The following GRIK4 variants were observed in gnomAD, a reference collection of about 807,000 sequenced individuals.
The protein encoded by GRIK4 is glutamate ionotropic receptor kainate type subunit 4.
A neutral mutation model predicts 104.9 loss-of-function variants in GRIK4; 40 were observed. The observed-to-expected ratio is 0.38, with a 90% CI of 0.30 to 0.50. GRIK4 has a LOEUF of 0.50. GRIK4 is among the 20% of genes least tolerant of loss of function. The pLI, the probability that GRIK4 is intolerant of heterozygous loss-of-function variation, is 0.93. For synonymous variants in GRIK4, 485 were observed against 524.9 expected (o/e 0.92, Z 1.04); for missense variants, 1,047 against 1,308.1 (o/e 0.80, Z 3.08).
intron 4 of GRIK4, among the ~76,000 whole-genome samples, chr11:120,813,641 T>C (rs1252789084): frequency 6.6e-6 from 1 of 152,166 alleles, no homozygotes; most frequent in African/African-American, 2.4e-5. Flanking sequence ...TGAACCCTGG[T>C]GTTCTGCCTT....
At chr11:120,811,615 C>T (rs984320493) in intron 4 of GRIK4, among the ~76,000 whole-genome samples, 35 of 152,162 alleles carry the variant, frequency 2.3e-4, no homozygotes, top group African/African-American at 8.0e-4. Flanking sequence ...AACATCTTCT[C>T]ATAATCATTC....
chr11:120,596,247 C>T (rs955370462), intron 1 of GRIK4, among the ~76,000 whole-genome samples: 10 of 152,152 alleles, frequency 6.6e-5, no homozygotes, highest in Admixed American at 6.5e-4. Context: ...TTTTTGAATG[C>T]CCACTGTGTG....
At chr11:120,828,207 A>G (rs955040822) in intron 6 of GRIK4, among the ~76,000 whole-genome samples, 2 of 152,232 alleles carry the variant, frequency 1.3e-5, no homozygotes, top group African/African-American at 4.8e-5. Context: ...GAAGTCTGAA[A>G]TGGGCTCCCT....
At chr11:120,647,639 CT>C (rs1465036025) in intron 1 of GRIK4, among the ~76,000 whole-genome samples, 1 of 152,250 alleles carries the variant, frequency 6.6e-6, no homozygotes, top group Non-Finnish European at 1.5e-5. Context: ...CGGCACATGC[CT>C]CGGGGCTCAG....
chr11:120,857,924 A>G (rs1420941202), intron 8 of GRIK4, among the ~76,000 whole-genome samples: 1 of 152,204 alleles, frequency 6.6e-6, no homozygotes, highest in South Asian at 2.1e-4. Context: ...AAAGCCACCC[A>G]CACTTGGAGT....
At chr11:120,587,729 C>T (rs747959354) in intron 1 of GRIK4, among the ~76,000 whole-genome samples, 30 of 152,178 alleles carry the variant, frequency 2.0e-4, no homozygotes, top group East Asian at 3.8e-4. Flanking sequence ...TGGTCAGCTA[C>T]GCTTAGTCTT....
chr11:120,802,024 G>A (rs1462992278), intron 3 of GRIK4, among the ~76,000 whole-genome samples: 1 of 152,170 alleles, frequency 6.6e-6, no homozygotes, highest in African/African-American at 2.4e-5. Flanking sequence ...CACTGAATAA[G>A]TCACACTGAT....
intron 13 of GRIK4, among the ~76,000 whole-genome samples, chr11:120,927,208 G>A (rs988734736): frequency 2.0e-5 from 3 of 152,122 alleles, no homozygotes; most frequent in Non-Finnish European, 4.4e-5. Context: ...GAAGTCTCTC[G>A]GTTCTTTTCC....
rs774632394 is a variant in GRIK4, at chr11:120,704,735, C to CT, written c.82+44349dup. On this transcript the variant is annotated intron_variant, in intron 3 of 20. Transcript: ENST00000527524. ...ATATTGTACAACATAACTCTGCAAA[C>CT]TTTTTTTTTTTTTTGTAAAGGACCA... Among the ~76,000 whole-genome samples, 1,311 of 142,962 alleles carry CT rather than the reference C, an allele frequency of 9.2e-3. 10 individuals are homozygous for CT. Among genetic ancestry groups the CT allele is most frequent in the Middle Eastern group, 0.022 (6 of 274 alleles). The allele number at this position is 142,962 out of a possible 152,430, so 93.8% of individuals were successfully genotyped here.
At chr11:120,642,890 G>C (rs1006530904) in intron 1 of GRIK4, among the ~76,000 whole-genome samples, 1 of 152,098 alleles carries the variant, frequency 6.6e-6, no homozygotes, top group Non-Finnish European at 1.5e-5. Context: ...TTAAATCTAC[G>C]TGCTCCTGAG....
At chr11:120,667,764 G>A (rs1949941374) in intron 3 of GRIK4, among the ~76,000 whole-genome samples, 1 of 152,206 alleles carries the variant, frequency 6.6e-6, no homozygotes, top group Non-Finnish European at 1.5e-5. Context: ...GGGGTGTTGT[G>A]GAGAGGACAC....
intron 5 of GRIK4, among the ~76,000 whole-genome samples, chr11:120,816,984 C>CA (rs982957531): frequency 6.6e-6 from 1 of 152,196 alleles, no homozygotes; most frequent in African/African-American, 2.4e-5. Flanking sequence ...AGTTAGACCT[C>CA]ACGTGTAATT....
At position 120,573,407 on chromosome 11, in the gene GRIK4, C is replaced by T. The variant is rs79922914; in HGVS notation, c.-159+61520C>T. 0.014 allele frequency among the ~76,000 whole-genome samples: 2,056 copies of T among 152,224 alleles called. 104 individuals carry two copies. The East Asian group carries it at 0.15, about 11-fold the overall frequency. The stretch of plus-strand genomic sequence containing the variant: ...CGTGGCTGTTGAGGGGAAGCTGTTC[C>T]CATAATGAGGAGTCAGTCTGTTAGT... On this transcript the variant is annotated intron_variant, in intron 1 of 20. Coordinates refer to ENST00000527524, the MANE Select transcript of GRIK4 (RefSeq NM_014619.5).
intron 9 of GRIK4, among the ~76,000 whole-genome samples, chr11:120,865,217 C>T (rs1394934398): frequency 6.6e-6 from 1 of 152,078 alleles, no homozygotes; most frequent in African/African-American, 2.4e-5. Context: ...AATTCACAAT[C>T]ATTCACTAAG....
chr11:120,550,591 G>A lies in GRIK4; in HGVS notation c.-159+38704G>A, dbSNP rs76037597. ...TCTGGGGTATGCCAATGTTAGAGTC[G>A]GGCAGAGGCGGGGAGCCCTGCAGTG... On this transcript the variant is annotated intron_variant, in intron 1 of 20. Coordinates refer to ENST00000527524, the MANE Select transcript of GRIK4 (RefSeq NM_014619.5). Among the ~76,000 whole-genome samples the A allele has an allele frequency of 0.013, 1,937 of 152,126 alleles. 84 individuals carry two copies. The East Asian group carries it at 0.14, about 11-fold the overall frequency.
At chr11:120,572,683 A>G (rs1373510672) in intron 1 of GRIK4, among the ~76,000 whole-genome samples, 1 of 152,232 alleles carries the variant, frequency 6.6e-6, no homozygotes, top group Non-Finnish European at 1.5e-5. Context: ...GAAGTCATGC[A>G]TAAATAAAAT....
intron 1 of GRIK4, among the ~76,000 whole-genome samples, chr11:120,616,716 C>A (rs540301674): frequency 1.3e-4 from 20 of 152,316 alleles, no homozygotes; most frequent in African/African-American, 4.3e-4. Context: ...TACGTCAAGA[C>A]CTTGAGGGAG....
intron 1 of GRIK4, chr11:120,620,170 C>T: frequency 1.2e-6 from 1 of 838,422 alleles, no homozygotes; most frequent in Non-Finnish European, 2.1e-6. Flanking sequence ...TGCATGTTCT[C>T]TTTTTACAAT....
At chr11:120,840,347 G>A (rs187624106) in intron 8 of GRIK4, among the ~76,000 whole-genome samples, 1 of 152,318 alleles carries the variant, frequency 6.6e-6, no homozygotes, top group African/African-American at 2.4e-5. Context: ...TGAGATCTGG[G>A]TGGTCGGAAC....
Sources: gnomAD v4.1 joint callset for allele counts (sites outside exome capture counted in the v4.1 genomes callset) on GRCh38, gnomAD v4.1.1 for gene constraint, MANE v1.5 for transcripts, NCBI Gene and HGNC (gene_info 2026-07-23, HGNC 2026-07-21) for gene names.